Variants in HIBADH observed in about 807,000 individuals in gnomAD.
HIBADH encodes the protein 3-hydroxyisobutyrate dehydrogenase, mitochondrial.
A neutral mutation model predicts 36.1 loss-of-function variants in HIBADH; 25 were observed. The observed-to-expected ratio is 0.69, with a 90% CI of 0.50 to 0.97. HIBADH has a LOEUF of 0.97. HIBADH is among the 50% of genes least tolerant of loss of function. The pLI is 0.00. For missense variants in HIBADH, 421 were observed against 418.0 expected (o/e 1.01, Z -0.06); for synonymous variants, 160 against 149.5 (o/e 1.07, Z -0.51).
chr7:27,593,229 G>T (rs965168474), intron 4 of HIBADH, among the ~76,000 whole-genome samples: 1 of 152,136 alleles, frequency 6.6e-6, no homozygotes, highest in East Asian at 1.9e-4. Context: ...CCCTCAAAAA[G>T]ATTTAGATTT....
chr7:27,616,798 A>T (rs1050181140), intron 4 of HIBADH, among the ~76,000 whole-genome samples: 1 of 7,598 alleles, frequency 1.3e-4, no homozygotes, highest in African/African-American at 1.5e-3. Context: ...GTTAAAAGGT[A>T]AAAAAAAAAA....
intron 4 of HIBADH, among the ~76,000 whole-genome samples, chr7:27,605,819 A>G (rs1344590129): frequency 6.6e-6 from 1 of 152,132 alleles, no homozygotes; most frequent in Non-Finnish European, 1.5e-5. Flanking sequence ...TATATCTTTA[A>G]CAAAAAATAA....
intron 1 of HIBADH, among the ~76,000 whole-genome samples, chr7:27,651,962 G>A (rs914283172): frequency 2.0e-5 from 3 of 152,110 alleles, no homozygotes; most frequent in Non-Finnish European, 2.9e-5. Flanking sequence ...GTAAGGAGGA[G>A]GGGAACTCCA....
chr7:27,537,474 GT>G (rs1784085922), intron 6 of HIBADH, among the ~76,000 whole-genome samples: 1 of 152,036 alleles, frequency 6.6e-6, no homozygotes, highest in Admixed American at 6.6e-5. Context: ...ACACTATTCT[GT>G]TTTGTGATAT....
At chr7:27,656,382 G>C (rs1050582267) in intron 1 of HIBADH, among the ~76,000 whole-genome samples, 14 of 152,000 alleles carry the variant, frequency 9.2e-5, no homozygotes, top group African/African-American at 2.9e-4. Flanking sequence ...TATATTAATA[G>C]GGCACTTAAT....
At position 27,662,775 on chromosome 7, in the gene HIBADH, A is replaced by T; in HGVS notation, c.14T>A (p.Leu5Ter). The change falls in exon 1 of 8, where the codon TTA becomes TAA. Residue 5 changes from leucine (L) to a stop codon, truncating the protein, a stop_gained. Transcript: ENST00000265395. LOFTEE classifies it high-confidence loss of function. ...ACCGGAGGCAGCTCCGAGGAGCCGT[A>T]AGGAGGCTGCCATGCTGCGCCCGCC... MAAS[L>*]RLLGAASGLR... 6.8e-7 allele frequency: 1 copy of T among 1,464,086 alleles called. No individual in the cohort carries two copies. The highest frequency in any genetic ancestry group is 1.3e-5 in the South Asian group (1 of 75,214). The allele number at this position is 1,464,086 out of a possible 1,614,324, so 90.7% of individuals were successfully genotyped here.
At chr7:27,601,703 TA>T (rs1785133207) in intron 4 of HIBADH, among the ~76,000 whole-genome samples, 1 of 152,126 alleles carries the variant, frequency 6.6e-6, no homozygotes, top group South Asian at 2.1e-4. Context: ...GGCTTTTTAA[TA>T]ATCCAATTGC....
At chr7:27,645,370 T>G (rs12672823) in intron 2 of HIBADH, among the ~76,000 whole-genome samples, 2,076 of 10,728 alleles carry the variant, frequency 0.19, 136 homozygotes, top group African/African-American at 0.42. Context: ...TGGTTTTGAT[T>G]TTTTTTTTTT....
intron 1 of HIBADH, among the ~76,000 whole-genome samples, chr7:27,652,518 G>C (rs948653790): frequency 1.3e-5 from 2 of 152,188 alleles, no homozygotes; most frequent in African/African-American, 2.4e-5. Flanking sequence ...AAAAGTGACA[G>C]TAATCCTCTA....
chr7:27,568,633 T>A (rs2391440), intron 4 of HIBADH, among the ~76,000 whole-genome samples: 38,145 of 151,792 alleles, frequency 0.25, 5,178 homozygotes, highest in Non-Finnish European at 0.29. Context: ...AATTTTTTTT[T>A]AAATTTTTTT....
At chr7:27,550,052 C>A (rs959418202) in intron 4 of HIBADH, among the ~76,000 whole-genome samples, 1 of 152,028 alleles carries the variant, frequency 6.6e-6, no homozygotes, top group Non-Finnish European at 1.5e-5. Context: ...GGACTATGGG[C>A]GCGTGCCACC....
At chr7:27,527,618 G>A (rs930337034) in intron 7 of HIBADH, among the ~76,000 whole-genome samples, 1 of 152,100 alleles carries the variant, frequency 6.6e-6, no homozygotes, top group Non-Finnish European at 1.5e-5. Context: ...ATCCTGCATT[G>A]AGCAAGTCTA....
At chr7:27,578,707 CA>C (rs1209074304) in intron 4 of HIBADH, among the ~76,000 whole-genome samples, 2 of 152,200 alleles carry the variant, frequency 1.3e-5, no homozygotes, top group African/African-American at 4.8e-5. Context: ...AATAAAACCA[CA>C]TTTTTTTTTG....
intron 6 of HIBADH, among the ~76,000 whole-genome samples, chr7:27,531,783 G>A (rs572163179): frequency 6.6e-6 from 1 of 151,774 alleles, no homozygotes; most frequent in African/African-American, 2.4e-5. Context: ...ACAGATAAAC[G>A]ATGCATCATG....
intron 6 of HIBADH, among the ~76,000 whole-genome samples, chr7:27,532,430 TTACTC>T (rs1299680753): frequency 2.0e-5 from 3 of 152,218 alleles, no homozygotes; most frequent in Non-Finnish European, 4.4e-5. Flanking sequence ...CTCAGATTGT[TTACTC>T]TGTGTGTCTA....
chr7:27,593,085 C>A (rs1200159436), intron 4 of HIBADH, among the ~76,000 whole-genome samples: 1 of 152,068 alleles, frequency 6.6e-6, no homozygotes, highest in Non-Finnish European at 1.5e-5. Flanking sequence ...TTCAATGTAA[C>A]CCTGCTGTAG....
rs751015232 is a variant in HIBADH at position 27,538,396 on chromosome 7, T to C, written c.640A>G (p.Met214Val). 3.1e-6 allele frequency: 5 copies of C among 1,613,184 alleles called. No homozygotes were observed. In the Admixed American group the frequency reaches 5.0e-5, roughly 16 times the overall value. Residue 214 changes from methionine to valine, a missense_variant, in exon 6 of 8, where the codon ATG (methionine) becomes GTG (valine). Coordinates refer to ENST00000265395, the MANE Select transcript of HIBADH (RefSeq NM_152740.4). ...CCAATCATACTAATAGCTAACAGCA[T>C]GTTGTTGCAGATCTTTGCCGCCTGA... is the stretch of plus-strand genomic sequence containing the variant. ...TGQAAKICNN[M>V]LLAISMIGTA...
At chr7:27,601,911 G>A (rs1407608299) in intron 4 of HIBADH, among the ~76,000 whole-genome samples, 1 of 152,050 alleles carries the variant, frequency 6.6e-6, no homozygotes, top group African/African-American at 2.4e-5. Flanking sequence ...TGTGGGTATT[G>A]TGTGGGAGTG....
intron 2 of HIBADH, among the ~76,000 whole-genome samples, chr7:27,647,478 A>G (rs1453816394): frequency 1.3e-5 from 2 of 152,230 alleles, no homozygotes; most frequent in Non-Finnish European, 2.9e-5. Context: ...TTCTCCAAGC[A>G]TTGGCTTCTT....
Sources: gnomAD v4.1 joint callset for allele counts (sites outside exome capture counted in the v4.1 genomes callset) on GRCh38, gnomAD v4.1.1 for gene constraint, MANE v1.5 for transcripts, NCBI Gene and HGNC (gene_info 2026-07-23, HGNC 2026-07-21) for gene names.